The following CAMKMT variants were observed in gnomAD, a reference collection of about 807,000 sequenced individuals.
CAMKMT encodes CaM KMT.
In CAMKMT, 53 loss-of-function variants were observed where a neutral mutation model predicts 48.0. The ratio of observed to expected loss-of-function variants is 1.10; its 90% CI spans 0.89 to 1.39. The LOEUF is 1.39. Among genes scored for constraint, CAMKMT ranks in the 40% most tolerant of loss-of-function variants. CAMKMT has a pLI of 0.00. For missense variants in CAMKMT, 428 were observed against 402.7 expected (o/e 1.06, Z -0.54); for synonymous variants, 165 against 152.3 (o/e 1.08, Z -0.61).
intron 3 of CAMKMT, among the ~76,000 whole-genome samples, chr2:44,604,563 T>TTG (rs1469909294): frequency 1.3e-5 from 2 of 151,824 alleles, no homozygotes; most frequent in South Asian, 2.1e-4. Flanking sequence ...ATCTGGTTTT[T>TTG]TTTTTTTTTT....
At chr2:44,709,479 A>G (rs975619375) in intron 6 of CAMKMT, among the ~76,000 whole-genome samples, 1 of 152,158 alleles carries the variant, frequency 6.6e-6, no homozygotes, top group Non-Finnish European at 1.5e-5. Context: ...TTTAATTAAG[A>G]GAAAAAGCAT....
chr2:44,425,691 G>C (rs1221464879), intron 3 of CAMKMT, among the ~76,000 whole-genome samples: 1 of 151,656 alleles, frequency 6.6e-6, no homozygotes, highest in Non-Finnish European at 1.5e-5. Context: ...ATTTCAGGGA[G>C]ACCAGTGTAT....
chr2:44,532,345 A>G (rs1666531664), intron 3 of CAMKMT, among the ~76,000 whole-genome samples: 1 of 152,212 alleles, frequency 6.6e-6, no homozygotes, highest in African/African-American at 2.4e-5. Flanking sequence ...AATAAATCTG[A>G]TGATCTGTTA....
chr2:44,484,131 G>A (rs1019725649), intron 3 of CAMKMT, among the ~76,000 whole-genome samples: 1 of 151,856 alleles, frequency 6.6e-6, no homozygotes, highest in Non-Finnish European at 1.5e-5. Flanking sequence ...TGAAGCCATT[G>A]GCAGGGAGAC....
At chr2:44,679,403 C>A (rs2104168604) in intron 3 of CAMKMT, among the ~76,000 whole-genome samples, 1 of 152,214 alleles carries the variant, frequency 6.6e-6, no homozygotes, top group East Asian at 1.9e-4. Flanking sequence ...AGAATAAATG[C>A]ATTACCAAAA....
chr2:44,440,528 G>A (rs1666585279), intron 3 of CAMKMT, among the ~76,000 whole-genome samples: 1 of 152,018 alleles, frequency 6.6e-6, no homozygotes, highest in Non-Finnish European at 1.5e-5. Context: ...CAATATGGTA[G>A]CCACTAACTC....
chr2:44,402,067 C>G (rs765690259), intron 3 of CAMKMT, among the ~76,000 whole-genome samples: 14 of 152,078 alleles, frequency 9.2e-5, no homozygotes, highest in Non-Finnish European at 2.1e-4. Flanking sequence ...TGGCTCACGC[C>G]TATAGTCCCA....
At chr2:44,379,301 T>C (rs1294025409) in intron 2 of CAMKMT, among the ~76,000 whole-genome samples, 1 of 152,350 alleles carries the variant, frequency 6.6e-6, no homozygotes, top group Non-Finnish European at 1.5e-5. Flanking sequence ...GTATTTTGTT[T>C]TTTTCATCAG....
At chr2:44,491,627 G>A (rs1307066202) in intron 3 of CAMKMT, among the ~76,000 whole-genome samples, 1 of 152,192 alleles carries the variant, frequency 6.6e-6, no homozygotes, top group African/African-American at 2.4e-5. Flanking sequence ...AACTTACACT[G>A]CACTATGATA....
At chr2:44,458,624 A>G (rs1328217944) in intron 3 of CAMKMT, among the ~76,000 whole-genome samples, 1 of 152,184 alleles carries the variant, frequency 6.6e-6, no homozygotes, top group African/African-American at 2.4e-5. Context: ...GTTTTTATAT[A>G]ATTATTCATC....
intron 3 of CAMKMT, among the ~76,000 whole-genome samples, chr2:44,477,269 G>T (rs1335714967): frequency 1.3e-5 from 2 of 152,146 alleles, no homozygotes; most frequent in Non-Finnish European, 2.9e-5. Context: ...GATGTTATCA[G>T]AAATTTTGGA....
intron 3 of CAMKMT, among the ~76,000 whole-genome samples, chr2:44,547,131 C>T (rs1433102243): frequency 6.6e-6 from 1 of 152,122 alleles, no homozygotes; most frequent in African/African-American, 2.4e-5. Flanking sequence ...TTGTTATTTT[C>T]TGTATCCTCA....
intron 3 of CAMKMT, among the ~76,000 whole-genome samples, chr2:44,533,843 A>G (rs150250941): frequency 2.0e-5 from 3 of 152,326 alleles, no homozygotes; most frequent in East Asian, 1.9e-4. Context: ...TATATAAAAC[A>G]TTCAGAACAC....
At chr2:44,643,400 G>A (rs960914190) in intron 3 of CAMKMT, among the ~76,000 whole-genome samples, 16 of 152,122 alleles carry the variant, frequency 1.1e-4, no homozygotes, top group African/African-American at 3.9e-4. Context: ...GGACTATATT[G>A]AAGTTATCCA....
intron 3 of CAMKMT, among the ~76,000 whole-genome samples, chr2:44,683,906 C>T (rs553975801): frequency 6.7e-6 from 1 of 149,934 alleles, no homozygotes; most frequent in East Asian, 1.9e-4. Flanking sequence ...TAAGTAAACA[C>T]GATTTCATAT....
chr2:44,654,356 A>G (rs12620022), intron 3 of CAMKMT, among the ~76,000 whole-genome samples: 87,839 of 151,936 alleles, frequency 0.58, 26,031 homozygotes, highest in Admixed American at 0.67. Flanking sequence ...AATAATACAT[A>G]TTCATGGTAG....
At chr2:44,573,969 G>C (rs1395362509) in intron 3 of CAMKMT, among the ~76,000 whole-genome samples, 5 of 152,076 alleles carry the variant, frequency 3.3e-5, no homozygotes, top group Admixed American at 2.6e-4. Context: ...TGATAGGGCA[G>C]GTCCCTTCTG....
chr2:44,465,891 A>T (rs1668085361), intron 3 of CAMKMT, among the ~76,000 whole-genome samples: 1 of 152,238 alleles, frequency 6.6e-6, no homozygotes, highest in Non-Finnish European at 1.5e-5. Flanking sequence ...GGTTAGCCCT[A>T]CTTAGACAAA....
rs1000696181 is a variant in CAMKMT, at chr2:44,657,500, G to T, written c.377-46783G>T. Among the ~76,000 whole-genome samples the T allele has an allele frequency of 1.3e-5, 2 of 152,176 alleles. No homozygotes were observed. The highest frequency in any genetic ancestry group is 4.8e-5 in the African/African-American group (2 of 41,446). On this transcript the variant is annotated intron_variant, in intron 3 of 10. Coordinates refer to ENST00000378494, the MANE Select transcript of CAMKMT (RefSeq NM_024766.5). The surrounding 1 kb of genome is among the most constrained non-coding windows in gnomAD (Gnocchi z 4.3). Reference sequence around the variant, plus strand: ...TGCCATCAAGATATTTCTGGCCAAGGTCATGCCTTCCATGCTTTATGGTAT... The same window carrying T: ...TGCCATCAAGATATTTCTGGCCAAGTTCATGCCTTCCATGCTTTATGGTAT...
Sources: gnomAD v4.1 joint callset for allele counts (sites outside exome capture counted in the v4.1 genomes callset) on GRCh38, gnomAD v4.1.1 for gene constraint, Gnocchi (gnomAD v3.1) non-coding constraint, MANE v1.5 for transcripts, NCBI Gene and HGNC (gene_info 2026-07-23, HGNC 2026-07-21) for gene names.